Variants in PCDHA3 observed in about 807,000 individuals in gnomAD.
PCDHA3 encodes the protein protocadherin alpha-3.
Under a neutral mutation model 62.2 loss-of-function variants are expected in PCDHA3, and 41 were observed. That is an observed-to-expected ratio of 0.66 (90% CI 0.51 to 0.86). The LOEUF is 0.86. Among genes scored for constraint, PCDHA3 ranks in the 40% least tolerant of loss-of-function variants. The pLI, the probability that PCDHA3 is intolerant of heterozygous loss-of-function variation, is 0.00. For missense variants in PCDHA3, 1,304 were observed against 1,241.2 expected (o/e 1.05, Z -0.76); for synonymous variants, 640 against 555.4 (o/e 1.15, Z -2.14).
At chr5:140,997,097 T>G (rs1222829529) in intron 3 of PCDHA3, among the ~76,000 whole-genome samples, 10 of 152,156 alleles carry the variant, frequency 6.6e-5, no homozygotes, top group Admixed American at 5.2e-4. Context: ...TGCAGAGTTC[T>G]CATGCACTCC....
At chr5:140,955,183 G>A (rs556157825) in intron 1 of PCDHA3, among the ~76,000 whole-genome samples, 1 of 152,122 alleles carries the variant, frequency 6.6e-6, no homozygotes, top group South Asian at 2.1e-4. Flanking sequence ...GTAGTTTTGT[G>A]GTGTATATGA....
chr5:140,904,499 A>G (rs1554191555), intron 1 of PCDHA3, among the ~76,000 whole-genome samples: 1 of 151,770 alleles, frequency 6.6e-6, no homozygotes, highest in Non-Finnish European at 1.5e-5. Flanking sequence ...AATTTTTACA[A>G]TTGTGAATTG....
intron 1 of PCDHA3, chr5:140,966,382 G>C (rs1188243032): frequency 5.0e-6 from 2 of 403,766 alleles, no homozygotes; most frequent in Non-Finnish European, 4.3e-6. Flanking sequence ...GTCCGGGTTC[G>C]CTGTCCGCCA....
chr5:140,894,649 T>C (rs1270978331), intron 1 of PCDHA3, among the ~76,000 whole-genome samples: 3 of 152,024 alleles, frequency 2.0e-5, no homozygotes, highest in African/African-American at 7.2e-5. Context: ...ACTGAGTCTC[T>C]CTAATTCTGA....
At chr5:140,956,554 G>C (rs546505112) in intron 1 of PCDHA3, among the ~76,000 whole-genome samples, 1 of 152,318 alleles carries the variant, frequency 6.6e-6, no homozygotes, top group East Asian at 1.9e-4. Flanking sequence ...TGGTTTGCCA[G>C]TATCTTATTG....
At chr5:140,950,551 G>T (rs1162032370) in intron 1 of PCDHA3, among the ~76,000 whole-genome samples, 1 of 151,932 alleles carries the variant, frequency 6.6e-6, no homozygotes, top group African/African-American at 2.4e-5. Context: ...CATGGCTGGG[G>T]GGACACTTAT....
At chr5:140,977,023 G>T (rs1554238168) in intron 1 of PCDHA3, among the ~76,000 whole-genome samples, 1 of 152,148 alleles carries the variant, frequency 6.6e-6, no homozygotes, top group Non-Finnish European at 1.5e-5. Flanking sequence ...TCTGTCAAAT[G>T]AATCTAAGAA....
At chr5:140,949,171 C>T (rs1554218845) in intron 1 of PCDHA3, among the ~76,000 whole-genome samples, 1 of 151,632 alleles carries the variant, frequency 6.6e-6, no homozygotes, top group Non-Finnish European at 1.5e-5. Flanking sequence ...CTCTTTTGGT[C>T]AGAGAACATA....
chr5:140,987,043 A>G (rs1406153632), intron 3 of PCDHA3, among the ~76,000 whole-genome samples: 5 of 151,912 alleles, frequency 3.3e-5, no homozygotes, highest in Non-Finnish European at 7.4e-5. Flanking sequence ...GCGAAACCCC[A>G]TCTCTACTAA....
At chr5:140,870,836 A>C in intron 1 of PCDHA3, 1 of 1,613,796 alleles carries the variant, frequency 6.2e-7, no homozygotes, top group Non-Finnish European at 8.5e-7. Flanking sequence ...GCAGTTAACA[A>C]GCTAGTACCG....
intron 3 of PCDHA3, among the ~76,000 whole-genome samples, chr5:141,000,804 G>A (rs2097964510): frequency 6.6e-6 from 1 of 151,886 alleles, no homozygotes; most frequent in African/African-American, 2.4e-5. Flanking sequence ...CTACTCAGAA[G>A]GCTGAGGTGG....
intron 1 of PCDHA3, among the ~76,000 whole-genome samples, chr5:140,880,091 C>A (rs925970617): frequency 6.6e-6 from 1 of 152,106 alleles, no homozygotes; most frequent in African/African-American, 2.4e-5. Context: ...TTATAGTAGG[C>A]TTAAAATCAT....
intron 1 of PCDHA3, among the ~76,000 whole-genome samples, chr5:140,935,464 G>A (rs2090388076): frequency 6.6e-6 from 1 of 152,146 alleles, no homozygotes; most frequent in Admixed American, 6.5e-5. Context: ...AGCAGTTTAA[G>A]TTTTTGTCAT....
At chr5:140,807,786 T>C (rs1554124270) in intron 1 of PCDHA3, 18 of 1,614,120 alleles carry the variant, frequency 1.1e-5, no homozygotes, top group Non-Finnish European at 1.5e-5. Flanking sequence ...CGGAAATCTT[T>C]AGACAGAGAA....
At chr5:140,888,983 T>C (rs193278447) in intron 1 of PCDHA3, among the ~76,000 whole-genome samples, 22 of 152,266 alleles carry the variant, frequency 1.4e-4, no homozygotes, top group African/African-American at 5.1e-4. Flanking sequence ...AATTTATGAT[T>C]TATGATTTTC....
At chr5:140,989,723 G>A (rs2097356372) in intron 3 of PCDHA3, among the ~76,000 whole-genome samples, 1 of 152,180 alleles carries the variant, frequency 6.6e-6, no homozygotes, top group African/African-American at 2.4e-5. Flanking sequence ...CAGCTTTGCA[G>A]TTGAAAAGGC....
intron 3 of PCDHA3, among the ~76,000 whole-genome samples, chr5:141,001,563 C>A (rs531745574): frequency 6.6e-6 from 1 of 152,296 alleles, no homozygotes; most frequent in South Asian, 2.1e-4. Context: ...GACCACGATT[C>A]TCCTGTGTTT....
intron 3 of PCDHA3, among the ~76,000 whole-genome samples, chr5:141,000,510 C>G (rs1197965439): frequency 5.6e-5 from 8 of 143,864 alleles, no homozygotes; most frequent in South Asian, 4.5e-4. Context: ...TCACTGCAAC[C>G]TCCTTCTCCA....
At chr5:140,808,045 G>A (rs150161354) in intron 1 of PCDHA3, 13 of 1,613,670 alleles carry the variant, frequency 8.1e-6, no homozygotes, top group African/African-American at 2.7e-5. Flanking sequence ...ATGATATTTC[G>A]CCAAATGTGA....
Sources: gnomAD v4.1 joint callset for allele counts (sites outside exome capture counted in the v4.1 genomes callset) on GRCh38, gnomAD v4.1.1 for gene constraint, MANE v1.5 for transcripts, NCBI Gene and HGNC (gene_info 2026-07-23, HGNC 2026-07-21) for gene names.